WDR27: variants seen among roughly 807,000 people sequenced by gnomAD.
WDR27 encodes WD repeat-containing protein 27.
In WDR27, 100 loss-of-function variants were observed where a neutral mutation model predicts 114.4. The observed-to-expected ratio is 0.87, with a 90% CI of 0.74 to 1.03. WDR27 has a LOEUF of 1.03. Among genes scored for constraint, WDR27 ranks in the 50% least tolerant of loss-of-function variants. The pLI is 0.00. For missense variants in WDR27, 1,129 were observed against 1,092.9 expected, an observed-to-expected ratio of 1.03 and a Z score of -0.47; for synonymous variants, 449 against 423.1, an observed-to-expected ratio of 1.06 and a Z score of -0.75.
the WDR27 span, among the ~76,000 whole-genome samples, chr6:169,430,967 G>A: frequency 8.5e-5 from 13 of 152,180 alleles, no homozygotes; most frequent in South Asian, 8.3e-4. Context: ...CAAGAGACCG[G>A]GGGTGGGAGC....
intron 25 of WDR27, among the ~76,000 whole-genome samples, chr6:169,471,365 G>A (rs1180466553): frequency 3.3e-5 from 5 of 151,976 alleles, no homozygotes; most frequent in Non-Finnish European, 7.4e-5. Flanking sequence ...CAAAAGAATT[G>A]GGAAAGCTTC....
In WDR27 at chr6:169,636,538, A is replaced by C. The variant is rs187664772; in HGVS notation, c.1870-34T>G. On this transcript the variant is annotated intron_variant, in intron 18 of 25. Coordinates refer to ENST00000448612, the MANE Select transcript of WDR27 (RefSeq NM_182552.5). ...CAAATCAGTAATTACTGTCAATATA[A>C]TAAATGTTAACAAAAACACTATTGC... 4,453 of 1,563,850 alleles carry C rather than the reference A, an allele frequency of 2.8e-3. 18 individuals carry two copies. Among genetic ancestry groups the C allele is most frequent in the Admixed American group, 6.5e-3 (331 of 50,908 alleles).
At chr6:169,565,806 C>T (rs12199850) in intron 25 of WDR27, among the ~76,000 whole-genome samples, 89,615 of 152,110 alleles carry the variant, frequency 0.59, 29,141 homozygotes, top group Non-Finnish European at 0.72. Context: ...CATGAGCCAC[C>T]ACACGCAGCT....
At chr6:169,466,283 C>T (rs934906606) in intron 25 of WDR27, among the ~76,000 whole-genome samples, 1 of 152,128 alleles carries the variant, frequency 6.6e-6, no homozygotes, top group African/African-American at 2.4e-5. Flanking sequence ...TCTGTTTTCA[C>T]ACTGCTATAA....
intron 3 of WDR27, 61 bp from the exon 4 acceptor site, chr6:169,670,754 G>A: frequency 1.9e-6 from 3 of 1,589,860 alleles, no homozygotes; most frequent in Non-Finnish European, 2.6e-6. Flanking sequence ...ACATTAATCT[G>A]AGAAAAGTAC....
At chr6:169,480,231 C>G (rs959755468) in intron 25 of WDR27, among the ~76,000 whole-genome samples, 1 of 152,196 alleles carries the variant, frequency 6.6e-6, no homozygotes, top group Non-Finnish European at 1.5e-5. Context: ...CCAGCCTGCC[C>G]GTGCCATGCT....
At chr6:169,494,165 T>A (rs1790120612) in intron 25 of WDR27, among the ~76,000 whole-genome samples, 1 of 152,164 alleles carries the variant, frequency 6.6e-6, no homozygotes, top group South Asian at 2.1e-4. Flanking sequence ...TGGATACGGC[T>A]ATGAGGGTGT....
At chr6:169,603,567 T>G (rs1260613388) in intron 22 of WDR27, among the ~76,000 whole-genome samples, 1 of 152,246 alleles carries the variant, frequency 6.6e-6, no homozygotes, top group Non-Finnish European at 1.5e-5. Flanking sequence ...ATGCATATTA[T>G]GCAGCTTTAT....
rs145179220 is a variant in WDR27, at chr6:169,472,550, T to C, written c.2646-14916A>G. On this transcript the variant is annotated intron_variant, in intron 25 of 25. Coordinates refer to ENST00000448612, the MANE Select transcript of WDR27 (RefSeq NM_182552.5). ...GTTGTAAGGATTGAATTAGTTAATA[T>C]ATATAAAGCATTTATCATAATACCA... Among the ~76,000 whole-genome samples, 213 of 152,302 alleles carry C rather than the reference T, an allele frequency of 1.4e-3. 2 individuals carry two copies. The highest frequency in any genetic ancestry group is 2.5e-3 in the Non-Finnish European group (171 of 68,024).
intron 23 of WDR27, among the ~76,000 whole-genome samples, chr6:169,587,214 CT>C (rs770797963): frequency 0.11 from 12,419 of 115,682 alleles, 1,260 homozygotes; most frequent in East Asian, 0.56. Flanking sequence ...CAAGGATTTT[CT>C]TTTTTTTTTT....
the WDR27 span, among the ~76,000 whole-genome samples, chr6:169,430,909 GGAT>G: frequency 6.6e-6 from 1 of 152,166 alleles, no homozygotes; most frequent in Non-Finnish European, 1.5e-5. Flanking sequence ...ATGAAGAAAT[GGAT>G]GATATGAATC....
Position 169,651,950 on chromosome 6 carries a change from A to G in WDR27, c.1461T>C (p.Ser487=). The G allele has an allele frequency of 1.2e-6, 2 of 1,613,888 alleles. No individual in the cohort carries two copies. The highest frequency in any genetic ancestry group is 1.1e-5 in the South Asian group (1 of 91,058). ...RLVFHSKVRS[S]GYASAPHVTM... ...CTCACTGTGGTGCTGACGCATAACC[A>G]GATGACCTAACTTTACTATGGAAAA... The change falls in exon 14 of 26, where the codon TCT becomes TCC. Residue 487 remains serine (S), a synonymous_variant. Coordinates refer to ENST00000448612, the MANE Select transcript of WDR27 (RefSeq NM_182552.5).
chr6:169,467,921 C>T lies in WDR27; in HGVS notation c.2646-10287G>A, dbSNP rs189173068. ...TTTAAACGTAAGTTCCAATTCCAAA[C>T]CATATCTTTGTGAATACATAAAACT... On this transcript the variant is annotated intron_variant, in intron 25 of 25. Coordinates refer to ENST00000448612, the MANE Select transcript of WDR27 (RefSeq NM_182552.5). 2.7e-3 allele frequency among the ~76,000 whole-genome samples: 418 copies of T among 152,354 alleles called. 1 individual carries two copies. Among genetic ancestry groups the T allele is most frequent in the African/African-American group, 8.7e-3 (360 of 41,578 alleles).
chr6:169,665,265 G>A (rs951717181), intron 7 of WDR27: 4 of 1,326,060 alleles, frequency 3.0e-6, no homozygotes, highest in Non-Finnish European at 3.8e-6. Flanking sequence ...TGGAGCTCTG[G>A]GACATGCAGA....
intron 25 of WDR27, among the ~76,000 whole-genome samples, chr6:169,459,319 G>C (rs1033180290): frequency 1.3e-5 from 2 of 151,892 alleles, no homozygotes; most frequent in Non-Finnish European, 2.9e-5. Flanking sequence ...TTGAAATAAA[G>C]TATTTACTAG....
chr6:169,647,697 G>T, intron 16 of WDR27, 76 bp downstream of exon 16: 1 of 1,216,364 alleles, frequency 8.2e-7, no homozygotes, highest in Non-Finnish European at 1.2e-6. Flanking sequence ...TGATACAATA[G>T]AAAAATGTTT....
At chr6:169,439,030 C>A in the WDR27 span, among the ~76,000 whole-genome samples, 1 of 151,930 alleles carries the variant, frequency 6.6e-6, no homozygotes, top group Non-Finnish European at 1.5e-5. Context: ...ACAAACTTCC[C>A]CAAAATCAAA....
chr6:169,678,258 C>A (rs1221897835), intron 2 of WDR27, among the ~76,000 whole-genome samples: 1 of 152,234 alleles, frequency 6.6e-6, no homozygotes, highest in Non-Finnish European at 1.5e-5. Flanking sequence ...GACAGAGCTG[C>A]CCCAGGCCTT....
intron 25 of WDR27, among the ~76,000 whole-genome samples, chr6:169,462,492 GAA>G: frequency 6.6e-6 from 1 of 150,808 alleles, no homozygotes; most frequent in Middle Eastern, 3.4e-3. Context: ...GAGAGAGAGA[GAA>G]AGAAAGAAAG....
Sources: gnomAD v4.1 joint callset for allele counts (sites outside exome capture counted in the v4.1 genomes callset) on GRCh38, gnomAD v4.1.1 for gene constraint, MANE v1.5 for transcripts, NCBI Gene and HGNC (gene_info 2026-07-23, HGNC 2026-07-21) for gene names.